TBC1D16: variants seen among roughly 807,000 people sequenced by gnomAD.
TBC1D16 encodes TBC1 domain family member 16, also known as CTD-2529O21.1.
A neutral mutation model predicts 74.7 loss-of-function variants in TBC1D16; 58 were observed. The ratio of observed to expected loss-of-function variants is 0.78; its 90% CI spans 0.63 to 0.97. The LOEUF is 0.97. Ranked by LOEUF, TBC1D16 falls within the 50% of genes least tolerant of loss-of-function variation. The pLI, the probability that TBC1D16 is intolerant of heterozygous loss-of-function variation, is 0.00. For missense variants in TBC1D16, 1,014 were observed against 1,079.5 expected, an observed-to-expected ratio of 0.94 and a Z score of 0.85; for synonymous variants, 493 against 474.7, an observed-to-expected ratio of 1.04 and a Z score of -0.50.
intron 1 of TBC1D16, among the ~76,000 whole-genome samples, chr17:80,014,328 G>A (rs1011510030): frequency 6.6e-6 from 1 of 152,120 alleles, no homozygotes; most frequent in Non-Finnish European, 1.5e-5. Flanking sequence ...CTGCACTCCA[G>A]CCTGGGCAAC....
chr17:79,968,842 CAAAAAAAAAA>C (rs34365366), intron 3 of TBC1D16, among the ~76,000 whole-genome samples: 7 of 55,394 alleles, frequency 1.3e-4, no homozygotes, highest in Admixed American at 9.3e-4. Flanking sequence ...GATGCCGTCT[CAAAAAAAAAA>C]AAAAAAAAAA....
At position 79,994,284 on chromosome 17, in the gene TBC1D16, C is replaced by CGG. The variant is rs34982856; in HGVS notation, c.779+15874_779+15875dup. ...GACTTCTAGAATCCCAGCTCAGGGC[C>CGG]GGGGGGGTGCCAGGGCTGTGAACCC... On this transcript the variant is annotated intron_variant, in intron 3 of 11. Transcript: ENST00000310924. The surrounding 1 kb of genome is among the most constrained non-coding windows in gnomAD (Gnocchi z 4.6). 6.6e-6 allele frequency among the ~76,000 whole-genome samples: 1 copy of CGG among 151,572 alleles called. No homozygotes were observed.
At chr17:79,995,279 G>A (rs974599194) in intron 3 of TBC1D16, among the ~76,000 whole-genome samples, 1 of 151,158 alleles carries the variant, frequency 6.6e-6, no homozygotes, top group Non-Finnish European at 1.5e-5. Flanking sequence ...CAGTTTGGGT[G>A]ACAAACTGAG....
chr17:79,932,690 T>C lies in TBC1D16; in HGVS notation c.*8169A>G, dbSNP rs559861219. ...CTTTGGACAGACAATCAGTAGACTTTGGGTGTGGCCTTGGTGAAGGCTTCC... is the reference window on the plus strand; with the variant it reads ...CTTTGGACAGACAATCAGTAGACTTCGGGTGTGGCCTTGGTGAAGGCTTCC... On this transcript the variant is annotated 3_prime_UTR_variant, in exon 12 of 12. Transcript: ENST00000310924. The C allele has an allele frequency of 1.2e-3, 189 of 152,358 alleles. No homozygotes were observed. The highest frequency in any genetic ancestry group is 4.3e-3 in the African/African-American group (177 of 41,572). 9.4% of individuals were successfully genotyped at this position (152,358 alleles called of 1,614,324 possible). A position where few individuals can be genotyped will look rare whatever the true frequency, so the allele number is the denominator to read the frequency against.
In TBC1D16 at chr17:79,936,895, CGT is replaced by C. The variant is rs1213902327; in HGVS notation, c.*3962_*3963del. ...ATGTGTGTGTGTGTGTGCATGCGTG[CGT>C]GTGTGCATGTGCGTGTGTGTGTGTG... is the stretch of plus-strand genomic sequence containing the variant. On this transcript the variant is annotated 3_prime_UTR_variant, in exon 12 of 12. Coordinates refer to ENST00000310924, the MANE Select transcript of TBC1D16 (RefSeq NM_019020.4). 2.0e-4 allele frequency: 27 copies of C among 134,954 alleles called. No individual in the cohort carries two copies. Among genetic ancestry groups the C allele is most frequent in the African/African-American group, 7.2e-4 (25 of 34,880 alleles). The allele number at this position is 134,954 out of a possible 1,614,324, so 8.4% of individuals were successfully genotyped here. A position where few individuals can be genotyped will look rare whatever the true frequency, so the allele number is the denominator to read the frequency against.
chr17:79,948,444 C>T (rs1460994824), intron 8 of TBC1D16, among the ~76,000 whole-genome samples: 1 of 152,086 alleles, frequency 6.6e-6, no homozygotes, highest in East Asian at 1.9e-4. Context: ...GGTGGGCTGG[C>T]AGGGACATTT....
At chr17:80,004,918 G>T (rs1355623459) in intron 3 of TBC1D16, among the ~76,000 whole-genome samples, 1 of 152,184 alleles carries the variant, frequency 6.6e-6, no homozygotes, top group Admixed American at 6.5e-5. Context: ...CAAGTGATCT[G>T]CCCACCTTAG....
At chr17:79,976,339 G>A (rs1287288219) in intron 3 of TBC1D16, among the ~76,000 whole-genome samples, 4 of 152,188 alleles carry the variant, frequency 2.6e-5, no homozygotes, top group Non-Finnish European at 5.9e-5. Context: ...TTAACCATAA[G>A]GCATTTTCTC....
At chr17:79,967,240 A>G (rs1441961693) in intron 3 of TBC1D16, among the ~76,000 whole-genome samples, 1 of 152,188 alleles carries the variant, frequency 6.6e-6, no homozygotes, top group African/African-American at 2.4e-5. Flanking sequence ...AAGAAATAAA[A>G]TGCAAAAAGA....
chr17:79,948,167 C>T (rs532742202), intron 8 of TBC1D16, among the ~76,000 whole-genome samples: 11 of 152,182 alleles, frequency 7.2e-5, no homozygotes, highest in South Asian at 6.2e-4. Context: ...AAAACTTAGC[C>T]GGGCATGGTG....
At position 80,000,787 on chromosome 17, in the gene TBC1D16, G is replaced by A. The variant is rs2035457816; in HGVS notation, c.779+9373C>T. 6.6e-6 allele frequency among the ~76,000 whole-genome samples: 1 copy of A among 152,198 alleles called. No individual in the cohort carries two copies. The highest frequency in any genetic ancestry group is 2.4e-5 in the African/African-American group (1 of 41,456). Reference sequence around the variant, plus strand: ...AGAGGAGTAAACTGAGGTACAGAGTGGTTCAACACCGTCCAAGGCCACCCC... The same window carrying A: ...AGAGGAGTAAACTGAGGTACAGAGTAGTTCAACACCGTCCAAGGCCACCCC... On this transcript the variant is annotated intron_variant, in intron 3 of 11. Transcript: ENST00000310924. The surrounding 1 kb of genome is among the most constrained non-coding windows in gnomAD (Gnocchi z 4.1).
At position 79,994,709 on chromosome 17, in the gene TBC1D16, C is replaced by T. The variant is rs2035201616; in HGVS notation, c.779+15451G>A. On this transcript the variant is annotated intron_variant, in intron 3 of 11. Coordinates refer to ENST00000310924, the MANE Select transcript of TBC1D16 (RefSeq NM_019020.4). The surrounding 1 kb of genome is among the most constrained non-coding windows in gnomAD (Gnocchi z 4.6). ...AAAGTGCTGGGATTACAGGCGTGAG[C>T]CATTGCGCCCGGCCGAGAATGTTTT... Among the ~76,000 whole-genome samples, 1 of 152,150 alleles carries T rather than the reference C, an allele frequency of 6.6e-6. No individual in the cohort carries two copies. Among genetic ancestry groups the T allele is most frequent in the Admixed American group, 6.5e-5 (1 of 15,272 alleles).
intron 3 of TBC1D16, among the ~76,000 whole-genome samples, chr17:79,970,830 G>A (rs1346069403): frequency 7.2e-6 from 1 of 139,628 alleles, no homozygotes; most frequent in East Asian, 2.1e-4. Context: ...ACCAGTCCTT[G>A]TACGAGTCCC....
rs796385229 is a variant in TBC1D16 at position 79,987,701 on chromosome 17, C to T, written c.779+22459G>A. On this transcript the variant is annotated intron_variant, in intron 3 of 11. Coordinates refer to ENST00000310924, the MANE Select transcript of TBC1D16 (RefSeq NM_019020.4). This position sits in a 1 kb window ranked among gnomAD's most constrained non-coding sequence, Gnocchi z 5.2. The stretch of plus-strand genomic sequence containing the variant: ...CACTCCCAGCCACAGCCTCCCTCTG[C>T]GGGCAGAACCCTGGGTGCTGCAGGG... Among the ~76,000 whole-genome samples, 7 of 152,254 alleles carry T rather than the reference C, an allele frequency of 4.6e-5. No individual in the cohort carries two copies. In the South Asian group the frequency reaches 6.2e-4, roughly 14 times the overall value.
In TBC1D16 at chr17:79,940,664, C is replaced by T; in HGVS notation, c.*195G>A. 1.6e-6 allele frequency: 1 copy of T among 613,830 alleles called. No individual in the cohort carries two copies. The highest frequency in any genetic ancestry group is 2.5e-6 in the Non-Finnish European group (1 of 405,074). The allele number at this position is 613,830 out of a possible 1,614,324, so 38.0% of individuals were successfully genotyped here. The stretch of plus-strand genomic sequence containing the variant: ...CAGGAGCTGACTTTCCTCTGGGTGG[C>T]TGTAGATCTGACTTCTGTCACTTCC... On this transcript the variant is annotated 3_prime_UTR_variant, in exon 12 of 12. Transcript: ENST00000310924. This position sits in a 1 kb window ranked among gnomAD's most constrained non-coding sequence, Gnocchi z 5.4.
At chr17:80,025,111 A>ATG (rs1277560369) in intron 1 of TBC1D16, among the ~76,000 whole-genome samples, 2,318 of 81,108 alleles carry the variant, frequency 0.029, 127 homozygotes, top group Non-Finnish European at 0.037. Flanking sequence ...TATACACACA[A>ATG]ACACCACAGA....
chr17:79,998,489 G>A (rs553703634), intron 3 of TBC1D16, among the ~76,000 whole-genome samples: 10 of 151,160 alleles, frequency 6.6e-5, no homozygotes, highest in East Asian at 3.9e-4. Context: ...CACCATGCCC[G>A]GCTAATTTTT....
chr17:79,941,045 C>T lies in TBC1D16; in HGVS notation c.2118G>A (p.Leu706=), dbSNP rs756644260. 6.2e-7 allele frequency: 1 copy of T among 1,603,558 alleles called. No individual in the cohort carries two copies. Among genetic ancestry groups the T allele is most frequent in the Admixed American group, 1.7e-5 (1 of 59,150 alleles). ...LPRIPCSLHD[L]CKLCGSGMWD... Reference sequence around the variant, plus strand: ...ACATGCCTGACCCGCACAGCTTACACAGATCGTGCAGGCTGCAGGGGATCC... The same window carrying T: ...ACATGCCTGACCCGCACAGCTTACATAGATCGTGCAGGCTGCAGGGGATCC... Residue 706 remains leucine, a synonymous_variant, in exon 12 of 12, where the codon CTG becomes CTA. Coordinates refer to ENST00000310924, the MANE Select transcript of TBC1D16 (RefSeq NM_019020.4). The surrounding 1 kb of genome is among the most constrained non-coding windows in gnomAD (Gnocchi z 4.3).
intron 1 of TBC1D16, among the ~76,000 whole-genome samples, chr17:80,017,539 G>A (rs1406212202): frequency 6.6e-6 from 1 of 151,854 alleles, no homozygotes; most frequent in Non-Finnish European, 1.5e-5. Context: ...AAATTAGCCG[G>A]GCGTGATGGT....
Sources: gnomAD v4.1 joint callset for allele counts (sites outside exome capture counted in the v4.1 genomes callset) on GRCh38, gnomAD v4.1.1 for gene constraint, Gnocchi (gnomAD v3.1) non-coding constraint, MANE v1.5 for transcripts, NCBI Gene and HGNC (gene_info 2026-07-23, HGNC 2026-07-21) for gene names.